CLSTN2: variants seen among roughly 807,000 people sequenced by gnomAD.
CLSTN2 encodes the protein calsyntenin 2, also known as calsyntenin-2.
Under a neutral mutation model 101.2 loss-of-function variants are expected in CLSTN2, and 48 were observed. That is an observed-to-expected ratio of 0.47 (90% CI 0.38 to 0.60). The LOEUF (loss-of-function observed/expected upper bound fraction) is 0.60. CLSTN2 is among the 20% of genes least tolerant of loss of function. The pLI is 0.00. For synonymous variants in CLSTN2, 481 were observed against 463.6 expected (o/e 1.04, Z -0.48); for missense variants, 1,160 against 1,238.2 (o/e 0.94, Z 0.95).
chr3:139,997,054 A>AT (rs1470033504), intron 1 of CLSTN2, among the ~76,000 whole-genome samples: 1 of 144,568 alleles, frequency 6.9e-6, no homozygotes, highest in African/African-American at 2.5e-5. Flanking sequence ...TCTCAAAAAA[A>AT]AAAAAAAAAA....
At chr3:140,079,149 TG>T (rs1470725819) in intron 1 of CLSTN2, among the ~76,000 whole-genome samples, 1 of 152,150 alleles carries the variant, frequency 6.6e-6, no homozygotes, top group African/African-American at 2.4e-5. Flanking sequence ...GCTTCTAACA[TG>T]GTGCCTGGTA....
At position 140,361,994 on chromosome 3, in the gene CLSTN2, G is replaced by A. The variant is rs534164283; in HGVS notation, c.233-41635G>A. ...ACAACCTGATTTTGGAAATGCAAAG[G>A]ATCCAGAATCTCCAGAACAATTTTG... On this transcript the variant is annotated intron_variant, in intron 2 of 16. Transcript: ENST00000458420. 4.6e-5 allele frequency among the ~76,000 whole-genome samples: 7 copies of A among 152,166 alleles called. No homozygotes were observed. In the South Asian group the frequency reaches 1.5e-3, roughly 32 times the overall value.
In CLSTN2 at chr3:139,935,585, C is replaced by G. The variant is rs886141455; in HGVS notation, c.109+102C>G. ...GGCTCAAGCTGGATTTGCCCACCCT[C>G]CCTTGCCGCAGCTTCTTTGGCCTCT... is the stretch of plus-strand genomic sequence containing the variant. On this transcript the variant is annotated intron_variant, in intron 1 of 16. Coordinates refer to ENST00000458420, the MANE Select transcript of CLSTN2 (RefSeq NM_022131.3). This position sits in a 1 kb window ranked among gnomAD's most constrained non-coding sequence, Gnocchi z 5.5. 3.6e-6 allele frequency: 2 copies of G among 548,438 alleles called. No individual in the cohort carries two copies. The highest frequency in any genetic ancestry group is 5.5e-6 in the Non-Finnish European group (2 of 365,610). The allele number at this position is 548,438 out of a possible 1,614,324, so 34.0% of individuals were successfully genotyped here.
intron 2 of CLSTN2, among the ~76,000 whole-genome samples, chr3:140,178,062 G>A (rs2010350965): frequency 6.6e-6 from 1 of 152,038 alleles, no homozygotes; most frequent in Admixed American, 6.6e-5. Context: ...GTAATCAGAT[G>A]ACATGAAGTC....
At chr3:139,990,666 G>C (rs746962343) in intron 1 of CLSTN2, among the ~76,000 whole-genome samples, 12 of 152,230 alleles carry the variant, frequency 7.9e-5, no homozygotes, top group Non-Finnish European at 1.5e-4. Flanking sequence ...GACCCCACCT[G>C]GGGGGTGAGA....
At chr3:140,476,941 G>A (rs780581979) in intron 8 of CLSTN2, among the ~76,000 whole-genome samples, 1 of 152,142 alleles carries the variant, frequency 6.6e-6, no homozygotes, top group African/African-American at 2.4e-5. Flanking sequence ...TTACAGGTGT[G>A]AGCCACCGTG....
chr3:140,233,102 G>A (rs2086385249), intron 2 of CLSTN2, among the ~76,000 whole-genome samples: 1 of 152,152 alleles, frequency 6.6e-6, no homozygotes, highest in Non-Finnish European at 1.5e-5. Flanking sequence ...TTCAGAGAGT[G>A]TAAATGCCTT....
chr3:140,392,211 C>A (rs1001968906), intron 2 of CLSTN2, among the ~76,000 whole-genome samples: 10 of 148,088 alleles, frequency 6.8e-5, no homozygotes, highest in African/African-American at 1.2e-4. Context: ...ATCTAGTAGC[C>A]ACATTTAAAA....
At chr3:140,467,729 C>A (rs77189951) in intron 8 of CLSTN2, among the ~76,000 whole-genome samples, 2 of 152,256 alleles carry the variant, frequency 1.3e-5, no homozygotes, top group African/African-American at 4.8e-5. Flanking sequence ...ATTCATAATC[C>A]TTTCCCTTCT....
At chr3:140,296,859 C>T (rs1197208839) in intron 2 of CLSTN2, among the ~76,000 whole-genome samples, 2 of 152,198 alleles carry the variant, frequency 1.3e-5, no homozygotes, top group African/African-American at 4.8e-5. Flanking sequence ...GGTTAATTTA[C>T]AGATTGAGAA....
At chr3:140,265,322 C>T (rs758814345) in intron 2 of CLSTN2, among the ~76,000 whole-genome samples, 6 of 152,222 alleles carry the variant, frequency 3.9e-5, no homozygotes, top group Admixed American at 3.9e-4. Context: ...TGAGAAAGCC[C>T]GGAGGAGGAG....
At chr3:140,088,698 C>T (rs970828196) in intron 1 of CLSTN2, among the ~76,000 whole-genome samples, 2 of 152,164 alleles carry the variant, frequency 1.3e-5, no homozygotes, top group African/African-American at 4.8e-5. Flanking sequence ...ACTGTCAATA[C>T]TGGATTGACC....
intron 2 of CLSTN2, among the ~76,000 whole-genome samples, chr3:140,303,085 T>C (rs2087076444): frequency 6.6e-6 from 1 of 152,208 alleles, no homozygotes; most frequent in Non-Finnish European, 1.5e-5. Context: ...GGAGAAATGC[T>C]GACAGGAAAA....
intron 4 of CLSTN2, among the ~76,000 whole-genome samples, chr3:140,410,411 CAAA>C (rs11450317): frequency 8.4e-6 from 1 of 118,756 alleles, no homozygotes; most frequent in African/African-American, 3.5e-5. Context: ...AAATAAAAAG[CAAA>C]AAAAAAAAAA....
At chr3:140,214,347 G>A (rs1168534135) in intron 2 of CLSTN2, among the ~76,000 whole-genome samples, 3 of 152,020 alleles carry the variant, frequency 2.0e-5, no homozygotes, top group South Asian at 2.1e-4. Flanking sequence ...CCAGCTACTC[G>A]GGAGGCTGGG....
chr3:139,997,707 C>T (rs9833213), intron 1 of CLSTN2, among the ~76,000 whole-genome samples: 84,042 of 152,008 alleles, frequency 0.55, 25,430 homozygotes, highest in Non-Finnish European at 0.67. Context: ...CTTTCAAATA[C>T]ACATTTCAAA....
At chr3:140,426,748 G>T (rs990659316) in intron 5 of CLSTN2, among the ~76,000 whole-genome samples, 2 of 152,170 alleles carry the variant, frequency 1.3e-5, no homozygotes, top group African/African-American at 4.8e-5. Flanking sequence ...AAGAAAGAAT[G>T]AGTAAGGAGT....
At chr3:140,483,991 T>G (rs1011963186) in intron 8 of CLSTN2, among the ~76,000 whole-genome samples, 4 of 152,310 alleles carry the variant, frequency 2.6e-5, no homozygotes, top group Admixed American at 6.5e-5. Context: ...ATGTGTGAAT[T>G]TGATCCTGTC....
chr3:139,955,875 A>G (rs1935385804), intron 1 of CLSTN2, among the ~76,000 whole-genome samples: 1 of 152,332 alleles, frequency 6.6e-6, no homozygotes, highest in Middle Eastern at 3.4e-3. Context: ...TGGAGCAAAG[A>G]TGGAGTCCCT....
Sources: gnomAD v4.1 joint callset for allele counts (sites outside exome capture counted in the v4.1 genomes callset) on GRCh38, gnomAD v4.1.1 for gene constraint, Gnocchi (gnomAD v3.1) non-coding constraint, MANE v1.5 for transcripts, NCBI Gene and HGNC (gene_info 2026-07-23, HGNC 2026-07-21) for gene names.